Variants in PTPRN2 observed in about 807,000 individuals in gnomAD.
PTPRN2 encodes the protein receptor-type tyrosine-protein phosphatase N2.
Under a neutral mutation model 118.8 loss-of-function variants are expected in PTPRN2, and 74 were observed. The ratio of observed to expected loss-of-function variants is 0.62; its 90% CI spans 0.52 to 0.76. PTPRN2 has a LOEUF of 0.76. Ranked by LOEUF, PTPRN2 falls within the 30% of genes least tolerant of loss-of-function variation. The probability of loss-of-function intolerance (pLI) is 0.00; values close to 1 mark genes in which losing one functional copy is unlikely to be tolerated. For missense variants in PTPRN2, 1,481 were observed against 1,394.4 expected (o/e 1.06, Z -0.99); for synonymous variants, 641 against 608.0 (o/e 1.05, Z -0.80).
In PTPRN2 at chr7:158,373,389, G is replaced by A. The variant is rs142562145; in HGVS notation, c.164-56457C>T. On this transcript the variant is annotated intron_variant, in intron 2 of 22. Transcript: ENST00000389418. Reference sequence around the variant, plus strand: ...GTGTGAGTAACGCTAATTTCATAGCGTTAGCTGCATGTTCTTAAGCACGTT... The same window carrying A: ...GTGTGAGTAACGCTAATTTCATAGCATTAGCTGCATGTTCTTAAGCACGTT... Among the ~76,000 whole-genome samples the A allele has an allele frequency of 2.6e-3, 400 of 152,302 alleles. 8 individuals carry two copies. Among genetic ancestry groups the A allele is most frequent in the Admixed American group, 0.019 (284 of 15,304 alleles).
intron 16 of PTPRN2, among the ~76,000 whole-genome samples, chr7:157,597,608 G>A (rs542608552): frequency 6.6e-5 from 10 of 152,308 alleles, no homozygotes; most frequent in African/African-American, 2.4e-4. Flanking sequence ...ATGCTGGACA[G>A]GGTTGCAGGA....
chr7:157,945,917 C>T (rs1371460224), intron 11 of PTPRN2, among the ~76,000 whole-genome samples: 3 of 152,090 alleles, frequency 2.0e-5, no homozygotes, highest in Non-Finnish European at 4.4e-5. Context: ...GGGTGCCTTC[C>T]CCCTTCCTGG....
At chr7:158,165,090 A>T (rs1822818880) in intron 6 of PTPRN2, among the ~76,000 whole-genome samples, 1 of 152,186 alleles carries the variant, frequency 6.6e-6, no homozygotes, top group African/African-American at 2.4e-5. Context: ...AGTACCCACG[A>T]AAGCGCAGGA....
intron 2 of PTPRN2, among the ~76,000 whole-genome samples, chr7:158,363,848 G>A (rs770162723): frequency 6.6e-5 from 10 of 152,156 alleles, no homozygotes; most frequent in Non-Finnish European, 1.3e-4. Context: ...CCGATGGAGA[G>A]AGTGGATGGA....
intron 11 of PTPRN2, among the ~76,000 whole-genome samples, chr7:158,070,676 G>T (rs1268895885): frequency 2.4e-5 from 2 of 84,338 alleles, no homozygotes; most frequent in Non-Finnish European, 4.9e-5. Context: ...GGTGGTGGAG[G>T]TGCCCGTGGT....
chr7:157,771,993 AACAC>A (rs746628908), intron 12 of PTPRN2, among the ~76,000 whole-genome samples: 3 of 148,766 alleles, frequency 2.0e-5, no homozygotes, highest in African/African-American at 7.5e-5. Context: ...GACACACATG[AACAC>A]ACACAGATAC....
chr7:158,206,744 T>C (rs1480878267), intron 3 of PTPRN2, among the ~76,000 whole-genome samples: 2 of 152,098 alleles, frequency 1.3e-5, no homozygotes, highest in African/African-American at 4.8e-5. Context: ...AATGCAGATA[T>C]GGCTGCAGGG....
intron 11 of PTPRN2, among the ~76,000 whole-genome samples, chr7:158,042,269 C>G (rs1215288341): frequency 1.3e-5 from 2 of 152,202 alleles, no homozygotes; most frequent in Non-Finnish European, 2.9e-5. Flanking sequence ...AGACCAGGAG[C>G]TCATCCGACT....
chr7:157,724,955 C>T (rs1799443457), intron 12 of PTPRN2, among the ~76,000 whole-genome samples: 1 of 152,146 alleles, frequency 6.6e-6, no homozygotes, highest in Non-Finnish European at 1.5e-5. Context: ...GAAATATTAT[C>T]AATATTTTAA....
intron 6 of PTPRN2, among the ~76,000 whole-genome samples, chr7:158,149,346 C>A (rs188561566): frequency 6.6e-6 from 1 of 151,740 alleles, no homozygotes; most frequent in Non-Finnish European, 1.5e-5. Flanking sequence ...TGGAAATTAA[C>A]AACTACATTG....
At chr7:157,976,179 C>A (rs937824726) in intron 11 of PTPRN2, among the ~76,000 whole-genome samples, 1 of 152,248 alleles carries the variant, frequency 6.6e-6, no homozygotes, top group African/African-American at 2.4e-5. Flanking sequence ...AGGGCTGGTT[C>A]CCATCGCGTT....
At chr7:158,373,399 T>C (rs987486042) in intron 2 of PTPRN2, among the ~76,000 whole-genome samples, 1 of 152,258 alleles carries the variant, frequency 6.6e-6, no homozygotes, top group African/African-American at 2.4e-5. Context: ...GTTAGCTGCA[T>C]GTTCTTAAGC....
chr7:157,973,566 C>T (rs1802501654), intron 11 of PTPRN2, among the ~76,000 whole-genome samples: 1 of 152,166 alleles, frequency 6.6e-6, no homozygotes, highest in Admixed American at 6.5e-5. Context: ...CTACATGAGA[C>T]ACAGCCACAG....
intron 3 of PTPRN2, among the ~76,000 whole-genome samples, chr7:158,214,210 C>T (rs550294800): frequency 6.6e-6 from 1 of 152,058 alleles, no homozygotes; most frequent in Non-Finnish European, 1.5e-5. Flanking sequence ...CCAGAGATGA[C>T]ATACGTCTTC....
At chr7:158,054,548 G>A (rs955870283) in intron 11 of PTPRN2, among the ~76,000 whole-genome samples, 17 of 152,232 alleles carry the variant, frequency 1.1e-4, no homozygotes, top group East Asian at 7.7e-4. Context: ...CAACGAACAC[G>A]TCAGAACACC....
intron 11 of PTPRN2, among the ~76,000 whole-genome samples, chr7:157,904,527 C>T (rs1269737810): frequency 6.6e-6 from 1 of 152,250 alleles, no homozygotes; most frequent in East Asian, 1.9e-4. Context: ...GGGAGTCTCA[C>T]AAAGCACAGA....
At chr7:158,244,882 TTC>T (rs1406956659) in intron 3 of PTPRN2, among the ~76,000 whole-genome samples, 1 of 152,080 alleles carries the variant, frequency 6.6e-6, no homozygotes, top group African/African-American at 2.4e-5. Context: ...ATTAAACTTT[TTC>T]TCTGAGCTCA....
At chr7:158,384,660 G>T (rs1811197346) in intron 2 of PTPRN2, among the ~76,000 whole-genome samples, 1 of 152,182 alleles carries the variant, frequency 6.6e-6, no homozygotes. Context: ...GGGAGGGAAT[G>T]AACCTTCCCT....
At chr7:157,954,293 T>C (rs1163584469) in intron 11 of PTPRN2, among the ~76,000 whole-genome samples, 1 of 139,420 alleles carries the variant, frequency 7.2e-6, no homozygotes. Flanking sequence ...CATGTGTGTC[T>C]ATGTGGGTGG....
Sources: allele counts gnomAD v4.1 joint callset (sites outside exome capture counted in the v4.1 genomes callset), GRCh38; gene constraint gnomAD v4.1.1; transcripts MANE v1.5; gene names NCBI Gene and HGNC (gene_info 2026-07-23, HGNC 2026-07-21).